Variants in BCAR3 observed in about 807,000 individuals in gnomAD.
BCAR3 encodes the protein BCAR3 adaptor protein, NSP family member.
In BCAR3, 37 loss-of-function variants were observed where a neutral mutation model predicts 80.1. That is an observed-to-expected ratio of 0.46 (90% CI 0.36 to 0.61). The LOEUF is 0.61. Among genes scored for constraint, BCAR3 ranks in the 20% least tolerant of loss-of-function variants. The pLI, the probability that BCAR3 is intolerant of heterozygous loss-of-function variation, is 0.00. For synonymous variants in BCAR3, 389 were observed against 418.9 expected, an observed-to-expected ratio of 0.93 and a Z score of 0.87; for missense variants, 978 against 1,068.2, an observed-to-expected ratio of 0.92 and a Z score of 1.18.
chr1:93,567,187 CTTT>C, intron 11 of BCAR3, 89 bp downstream of exon 11: 2 of 1,465,124 alleles, frequency 1.4e-6, no homozygotes, highest in Non-Finnish European at 1.9e-6. Flanking sequence ...CCTTTTTGGT[CTTT>C]TTCTAAGTGA....
chr1:93,609,867 T>C (rs1481926466), intron 3 of BCAR3, among the ~76,000 whole-genome samples: 1 of 152,164 alleles, frequency 6.6e-6, no homozygotes, highest in Non-Finnish European at 1.5e-5. Flanking sequence ...TTCACCAGAC[T>C]CAGCAAAGGC....
At chr1:93,567,691 T>G (rs1673013092) in intron 10 of BCAR3, 49 bp downstream of exon 10, 1 of 1,545,650 alleles carries the variant, frequency 6.5e-7, no homozygotes, top group East Asian at 2.2e-5. Context: ...GTACTTGTAC[T>G]CCACTCCCCA....
intron 3 of BCAR3, among the ~76,000 whole-genome samples, chr1:93,698,778 T>C (rs1308083495): frequency 1.3e-5 from 2 of 152,172 alleles, no homozygotes; most frequent in African/African-American, 4.8e-5. Flanking sequence ...TAATGTCAGG[T>C]GAAAGGGGGC....
chr1:93,765,737 G>T (rs1652123445), intron 2 of BCAR3, among the ~76,000 whole-genome samples: 1 of 151,566 alleles, frequency 6.6e-6, no homozygotes, highest in South Asian at 2.1e-4. Flanking sequence ...CACAATCTTG[G>T]CTCACTGCAA....
intron 3 of BCAR3, among the ~76,000 whole-genome samples, chr1:93,697,804 C>A (rs1649472239): frequency 6.6e-6 from 1 of 152,060 alleles, no homozygotes; most frequent in African/African-American, 2.4e-5. Flanking sequence ...CATGGCGAAA[C>A]CCCATCTCTA....
intron 2 of BCAR3, among the ~76,000 whole-genome samples, chr1:93,669,668 C>T (rs560221853): frequency 9.2e-5 from 14 of 152,302 alleles, no homozygotes; most frequent in Non-Finnish European, 2.1e-4. Flanking sequence ...AGCACTGATC[C>T]CTCAGCTATC....
intron 3 of BCAR3, among the ~76,000 whole-genome samples, chr1:93,614,905 G>A (rs577875660): frequency 1.3e-4 from 19 of 151,840 alleles, no homozygotes; most frequent in African/African-American, 4.6e-4. Context: ...GATTCCCTGC[G>A]ACCTGAGGCC....
intron 2 of BCAR3, among the ~76,000 whole-genome samples, chr1:93,736,249 G>A (rs755568579): frequency 2.9e-4 from 44 of 152,136 alleles, no homozygotes; most frequent in Non-Finnish European, 6.0e-4. Context: ...GTGCAATGGC[G>A]CGATCTCGGC....
intron 2 of BCAR3, chr1:93,752,913 G>C (rs1328479211): frequency 6.6e-6 from 1 of 152,236 alleles, no homozygotes; most frequent in Non-Finnish European, 1.5e-5. Context: ...AGGAAGAGAA[G>C]AGTACACTGG....
intron 3 of BCAR3, among the ~76,000 whole-genome samples, chr1:93,626,895 A>G (rs1454593758): frequency 3.3e-5 from 5 of 152,236 alleles, no homozygotes; most frequent in Non-Finnish European, 5.9e-5. Flanking sequence ...GCTTTTTCAT[A>G]GAGCACAATT....
chr1:93,701,533 C>T lies in BCAR3; in HGVS notation c.-12+4559G>A, dbSNP rs961783429. Among the ~76,000 whole-genome samples, 3 of 152,258 alleles carry T rather than the reference C, an allele frequency of 2.0e-5. No individual in the cohort carries two copies. In the South Asian group the frequency reaches 6.2e-4, roughly 32 times the overall value. On this transcript the variant is annotated intron_variant, in intron 3 of 13. Transcript: ENST00000370244. ...ATTATTATTTTGAAAAAGATGAAGC[C>T]GAATTAGCAAGCATTTATAAAAAGT...
intron 3 of BCAR3, among the ~76,000 whole-genome samples, chr1:93,612,600 G>A (rs1674988532): frequency 6.6e-6 from 1 of 152,126 alleles, no homozygotes; most frequent in African/African-American, 2.4e-5. Flanking sequence ...GAAACCCACT[G>A]CCAATCCCCG....
Position 93,810,101 on chromosome 1 carries a change from G to A in BCAR3, c.-63+35466C>T, listed in dbSNP as rs370355436. ...CCAGCTACTCGGGAGGCTGAGGCAG[G>A]AGAATTGCTTGAACCCGTGAGGCGG... On this transcript the variant is annotated intron_variant, in intron 2 of 13. Transcript: ENST00000370244. Among the ~76,000 whole-genome samples the A allele has an allele frequency of 6.6e-5, 10 of 150,398 alleles. No individual in the cohort carries two copies. The South Asian group carries it at 2.1e-3, about 31-fold the overall frequency.
chr1:93,774,403 G>A (rs1461104026), intron 2 of BCAR3, among the ~76,000 whole-genome samples: 1 of 150,328 alleles, frequency 6.7e-6, no homozygotes, highest in Non-Finnish European at 1.5e-5. Context: ...AGAATCGCTT[G>A]AACCCAGGAG....
intron 3 of BCAR3, among the ~76,000 whole-genome samples, chr1:93,696,674 T>G (rs1427998027): frequency 1.3e-5 from 2 of 152,240 alleles, no homozygotes; most frequent in African/African-American, 4.8e-5. Context: ...AAGAGCTTCT[T>G]GCCACCCATA....
intron 3 of BCAR3, among the ~76,000 whole-genome samples, chr1:93,620,021 T>C (rs1675260715): frequency 6.6e-6 from 1 of 152,146 alleles, no homozygotes; most frequent in Admixed American, 6.5e-5. Context: ...ACCCAACACA[T>C]AGTAGGCACT....
At chr1:93,611,905 T>C (rs1674962095) in intron 3 of BCAR3, among the ~76,000 whole-genome samples, 1 of 152,182 alleles carries the variant, frequency 6.6e-6, no homozygotes, top group African/African-American at 2.4e-5. Context: ...GTATGAGAAA[T>C]TCATGCCAAG....
chr1:93,688,359 C>G (rs920926807), intron 3 of BCAR3, among the ~76,000 whole-genome samples: 2 of 152,190 alleles, frequency 1.3e-5, no homozygotes, highest in South Asian at 2.1e-4. Flanking sequence ...AAGACTTACT[C>G]TTATCACCGG....
At chr1:93,697,343 G>A (rs1001378936) in intron 3 of BCAR3, among the ~76,000 whole-genome samples, 6 of 152,232 alleles carry the variant, frequency 3.9e-5, no homozygotes, top group African/African-American at 7.2e-5. Context: ...GAGGGAGGGC[G>A]TAGCCCACTT....
Sources: gnomAD v4.1 joint callset for allele counts (sites outside exome capture counted in the v4.1 genomes callset) on GRCh38, gnomAD v4.1.1 for gene constraint, MANE v1.5 for transcripts, NCBI Gene and HGNC (gene_info 2026-07-23, HGNC 2026-07-21) for gene names.